The following ANKH variants were observed in gnomAD, a reference collection of about 807,000 sequenced individuals.
ANKH encodes ANKH inorganic pyrophosphate transport regulator.
A neutral mutation model predicts 49.0 loss-of-function variants in ANKH; 15 were observed. The ratio of observed to expected loss-of-function variants is 0.31; its 90% confidence interval spans 0.20 to 0.47. The LOEUF is 0.47. ANKH is among the 20% of genes least tolerant of loss of function. ANKH has a pLI of 1.00. For missense variants in ANKH, 429 were observed against 652.0 expected (o/e 0.66, Z 3.72); for synonymous variants, 273 against 260.0 (o/e 1.05, Z -0.48).
intron 1 of ANKH, among the ~76,000 whole-genome samples, chr5:14,789,580 C>A (rs1217818549): frequency 6.6e-6 from 1 of 152,026 alleles, no homozygotes; most frequent in Non-Finnish European, 1.5e-5. Context: ...GTAAATATTT[C>A]TTTCTATTTT....
intron 1 of ANKH, among the ~76,000 whole-genome samples, chr5:14,843,554 A>AAT (rs1741873671): frequency 1.3e-5 from 2 of 150,598 alleles, no homozygotes; most frequent in African/African-American, 4.9e-5. Context: ...TTAGCGAAAA[A>AAT]AAAAAAAAAA....
At chr5:14,758,382 G>T in intron 3 of ANKH, 98 bp downstream of exon 3, 2 of 917,526 alleles carry the variant, frequency 2.2e-6, no homozygotes, top group African/African-American at 1.7e-5. Context: ...CCATTAAGCT[G>T]TACACACAAA....
intron 1 of ANKH, among the ~76,000 whole-genome samples, chr5:14,847,615 G>A (rs1742002937): frequency 6.6e-6 from 1 of 152,184 alleles, no homozygotes; most frequent in Non-Finnish European, 1.5e-5. Context: ...CACGTCAGCT[G>A]AATGACAATC....
At chr5:14,738,915 G>C (rs1000138106) in intron 8 of ANKH, among the ~76,000 whole-genome samples, 15 of 152,212 alleles carry the variant, frequency 9.9e-5, no homozygotes, top group African/African-American at 3.4e-4. Context: ...TTAAGGATTA[G>C]TTGATTCCTG....
intron 1 of ANKH, among the ~76,000 whole-genome samples, chr5:14,844,551 G>T (rs1435952443): frequency 6.6e-6 from 1 of 152,156 alleles, no homozygotes; most frequent in Non-Finnish European, 1.5e-5. Context: ...TTTTATTAGG[G>T]TGTTTTAGCT....
chr5:14,720,917 C>T (rs1561023615), intron 8 of ANKH, among the ~76,000 whole-genome samples: 1 of 152,192 alleles, frequency 6.6e-6, no homozygotes, highest in African/African-American at 2.4e-5. Flanking sequence ...AGAAAGATGG[C>T]GGAAATGGGC....
intron 1 of ANKH, among the ~76,000 whole-genome samples, chr5:14,812,678 C>T (rs1740920405): frequency 1.3e-5 from 2 of 152,194 alleles, no homozygotes; most frequent in South Asian, 4.1e-4. Flanking sequence ...CCCTTGATAA[C>T]TGATCAAGTT....
rs1181207586 is a variant in ANKH at position 14,706,116 on chromosome 5, G to C, written c.*5081C>G. On this transcript the variant is annotated 3_prime_UTR_variant, in exon 12 of 12. Coordinates refer to ENST00000284268, the MANE Select transcript of ANKH (RefSeq NM_054027.6). ...GAGAGAGAAAGGGTGCCTAGTTCTT[G>C]TGTGCTTTTGTTTACATATACATAT... The C allele has an allele frequency of 6.6e-6, 1 of 152,156 alleles. No homozygotes were observed. Among genetic ancestry groups the C allele is most frequent in the African/African-American group, 2.4e-5 (1 of 41,426 alleles). 9.4% of individuals were successfully genotyped at this position (152,156 alleles called of 1,614,324 possible).
rs1580027964 is a variant in ANKH at position 14,745,904 on chromosome 5, G to A, written c.881C>T (p.Thr294Met). Residue 294 changes from threonine (T) to methionine (M), a missense_variant, in exon 7 of 12, where the codon ACG becomes ATG. Transcript: ENST00000284268. The surrounding 1 kb of genome is among the most constrained non-coding windows in gnomAD (Gnocchi z 4.7). ...PVGHMPYGWL[T>M]EIRAVYPAFD... ...AGCAGGATACACAGCACGGATTTCC[G>A]TCAACCAGCCGTATGGCATGTGACC... 1.2e-6 allele frequency: 2 copies of A among 1,614,086 alleles called. No individual in the cohort carries two copies. The highest frequency in any genetic ancestry group is 8.5e-7 in the Non-Finnish European group (1 of 1,180,036).
At chr5:14,811,477 C>A (rs1385872774) in intron 1 of ANKH, among the ~76,000 whole-genome samples, 5 of 152,110 alleles carry the variant, frequency 3.3e-5, no homozygotes, top group Admixed American at 3.3e-4. Context: ...ACTGTAGGTC[C>A]TTTTGAATTG....
chr5:14,850,717 C>A (rs1452464080), intron 1 of ANKH, among the ~76,000 whole-genome samples: 2 of 152,254 alleles, frequency 1.3e-5, no homozygotes, highest in Non-Finnish European at 2.9e-5. Context: ...TTTACAAAGG[C>A]AAGCTGAGCA....
At chr5:14,818,494 T>C (rs1373327891) in intron 1 of ANKH, among the ~76,000 whole-genome samples, 2 of 151,446 alleles carry the variant, frequency 1.3e-5, no homozygotes, top group Non-Finnish European at 2.9e-5. Flanking sequence ...ATACAAAAAT[T>C]ATCCAGGCAT....
rs930449182 is a variant in ANKH, at chr5:14,770,420, T to C, written c.97-1229A>G. Among the ~76,000 whole-genome samples the C allele has an allele frequency of 2.0e-5, 3 of 152,224 alleles. No homozygotes were observed. The highest frequency in any genetic ancestry group is 7.2e-5 in the African/African-American group (3 of 41,462). On this transcript the variant is annotated intron_variant, in intron 1 of 11. Transcript: ENST00000284268. This position sits in a 1 kb window ranked among gnomAD's most constrained non-coding sequence, Gnocchi z 4.1. ...TGGAAAGTACCTATGTTTTTTCCTA[T>C]ATATACTATGTTTTTTCCTATATAT...
intron 8 of ANKH, among the ~76,000 whole-genome samples, chr5:14,723,752 G>C (rs1737741023): frequency 6.6e-6 from 1 of 152,218 alleles, no homozygotes; most frequent in Non-Finnish European, 1.5e-5. Context: ...TGAAGTGTCT[G>C]CTTTGAACTC....
At chr5:14,789,735 A>G (rs1740100614) in intron 1 of ANKH, among the ~76,000 whole-genome samples, 1 of 152,160 alleles carries the variant, frequency 6.6e-6, no homozygotes, top group Non-Finnish European at 1.5e-5. Flanking sequence ...CTCTCTCGAC[A>G]GGATCTCACT....
intron 1 of ANKH, among the ~76,000 whole-genome samples, chr5:14,794,964 T>C (rs368837223): frequency 2.0e-5 from 3 of 152,224 alleles, no homozygotes. Flanking sequence ...TCTGAGATAA[T>C]GGAAGTAGGA....
chr5:14,728,089 C>A (rs1357927276), intron 8 of ANKH, among the ~76,000 whole-genome samples: 1 of 152,234 alleles, frequency 6.6e-6, no homozygotes, highest in African/African-American at 2.4e-5. Context: ...TGGATTTGAG[C>A]AAATGCTGGA....
chr5:14,809,352 A>G (rs1234534051), intron 1 of ANKH, among the ~76,000 whole-genome samples: 36 of 147,544 alleles, frequency 2.4e-4, no homozygotes, highest in South Asian at 4.4e-4. Context: ...AAAAAAAAAA[A>G]AAAAAGAAAA....
In ANKH at chr5:14,806,590, T is replaced by C. The variant is rs540718788; in HGVS notation, c.97-37399A>G. On this transcript the variant is annotated intron_variant, in intron 1 of 11. Transcript: ENST00000284268. ...CTGTGGCAGGAGGTCACGCTCCTCC[T>C]GCTCAAAGGGCAGGGGTGACTGTGG... Among the ~76,000 whole-genome samples, 3 of 152,298 alleles carry C rather than the reference T, an allele frequency of 2.0e-5. No homozygotes were observed. In the South Asian group the frequency reaches 6.2e-4, roughly 32 times the overall value.
Sources: gnomAD v4.1 joint callset for allele counts (sites outside exome capture counted in the v4.1 genomes callset) on GRCh38, gnomAD v4.1.1 for gene constraint, Gnocchi (gnomAD v3.1) non-coding constraint, MANE v1.5 for transcripts, NCBI Gene and HGNC (gene_info 2026-07-23, HGNC 2026-07-21) for gene names.